The following ZNF254 variants were observed in gnomAD, a reference collection of about 807,000 sequenced individuals.
ZNF254 encodes the protein CTD-2017D11.1.
A neutral mutation model predicts 12.4 loss-of-function variants in ZNF254; 10 were observed. The ratio of observed to expected loss-of-function variants is 0.80; its 90% confidence interval spans 0.50 to 1.36. ZNF254 has a LOEUF of 1.36. Among genes scored for constraint, ZNF254 ranks in the 40% most tolerant of loss-of-function variants. The pLI is 0.00. For synonymous variants in ZNF254, 305 were observed against 253.4 expected (o/e 1.20, Z -1.93); for missense variants, 996 against 763.9 (o/e 1.30, Z -3.58).
chr19:24,069,604 C>CAAA (rs968664535), intron 2 of ZNF254, among the ~76,000 whole-genome samples: 5 of 36,690 alleles, frequency 1.4e-4, no homozygotes, highest in Non-Finnish European at 1.9e-4. Context: ...GACTCCATCT[C>CAAA]AAAAAAAAAA....
intron 3 of ZNF254, among the ~76,000 whole-genome samples, chr19:24,118,942 T>C (rs998567687): frequency 2.6e-5 from 4 of 151,902 alleles, no homozygotes; most frequent in African/African-American, 9.7e-5. Context: ...AAACCTCATT[T>C]CTACTAAAAA....
At chr19:24,096,065 T>A (rs1972652514) in intron 1 of ZNF254, among the ~76,000 whole-genome samples, 1 of 151,408 alleles carries the variant, frequency 6.6e-6, no homozygotes, top group Non-Finnish European at 1.5e-5. Context: ...AGTTCTTTTT[T>A]TTTTTTTTTT....
chr19:24,049,214 A>ATATATATATTTTTTT (rs1160333151), intron 2 of ZNF254, among the ~76,000 whole-genome samples: 4 of 40,866 alleles, frequency 9.8e-5, no homozygotes, highest in African/African-American at 1.4e-4. Flanking sequence ...ATATATATAT[A>ATATATATATTTTTTT]TTTTTTTTTT....
chr19:24,070,918 A>C (rs1295541714), intron 2 of ZNF254, among the ~76,000 whole-genome samples: 1 of 152,126 alleles, frequency 6.6e-6, no homozygotes, highest in South Asian at 2.1e-4. Flanking sequence ...ATTGTAACAT[A>C]TTGCTGGGTC....
At chr19:24,093,155 T>C (rs895550297) in intron 1 of ZNF254, among the ~76,000 whole-genome samples, 2 of 152,114 alleles carry the variant, frequency 1.3e-5, no homozygotes, top group African/African-American at 4.8e-5. Context: ...CTTTTTTTTC[T>C]TGTAAACTTA....
At chr19:24,067,311 C>A (rs1343842127) in intron 2 of ZNF254, among the ~76,000 whole-genome samples, 2 of 151,934 alleles carry the variant, frequency 1.3e-5, no homozygotes, top group Non-Finnish European at 2.9e-5. Context: ...TTGGGCCCAG[C>A]ACACAGGGGA....
intron 2 of ZNF254, among the ~76,000 whole-genome samples, chr19:24,056,188 C>T (rs1970846725): frequency 6.6e-6 from 1 of 152,186 alleles, no homozygotes; most frequent in Admixed American, 6.5e-5. Flanking sequence ...GGCGTTGGGA[C>T]ATGTCTCTGA....
intron 3 of ZNF254, among the ~76,000 whole-genome samples, chr19:24,121,549 T>C (rs774441810): frequency 3.3e-5 from 5 of 152,108 alleles, no homozygotes; most frequent in African/African-American, 1.2e-4. Context: ...CCTGTATAAA[T>C]GTTATCTTTT....
intron 2 of ZNF254, among the ~76,000 whole-genome samples, chr19:24,075,451 A>G (rs537765373): frequency 3.9e-5 from 6 of 152,226 alleles, no homozygotes; most frequent in African/African-American, 7.2e-5. Context: ...CCGGGGTGAC[A>G]TCACATGTCA....
chr19:24,087,737 A>G (rs1032216560), intron 1 of ZNF254, among the ~76,000 whole-genome samples: 1 of 152,160 alleles, frequency 6.6e-6, no homozygotes, highest in Non-Finnish European at 1.5e-5. Flanking sequence ...GCGTCACTGC[A>G]AAAATATTAA....
At chr19:24,035,381 C>T (rs1969927586) in intron 1 of ZNF254, among the ~76,000 whole-genome samples, 3 of 151,970 alleles carry the variant, frequency 2.0e-5, no homozygotes, top group Non-Finnish European at 4.4e-5. Context: ...CAGGCTGGTC[C>T]AAAACTCCTG....
At chr19:24,070,148 T>A (rs903835909) in intron 2 of ZNF254, among the ~76,000 whole-genome samples, 5 of 152,158 alleles carry the variant, frequency 3.3e-5, no homozygotes, top group African/African-American at 1.2e-4. Context: ...CCTATATTGA[T>A]CAGCCAATTG....
intron 2 of ZNF254, chr19:24,049,089 CCTA>C (rs1970522489): frequency 6.7e-6 from 1 of 148,974 alleles, no homozygotes; most frequent in South Asian, 2.2e-4. Context: ...TAACTACCTA[CCTA>C]CCTACCTACC....
chr19:24,054,557 G>T (rs1055790036), intron 2 of ZNF254, among the ~76,000 whole-genome samples: 5 of 152,180 alleles, frequency 3.3e-5, no homozygotes, highest in Admixed American at 3.3e-4. Context: ...GCACAAAGGT[G>T]AGATTGTTTC....
At chr19:24,064,195 C>T (rs750081170) in intron 2 of ZNF254, among the ~76,000 whole-genome samples, 14 of 152,100 alleles carry the variant, frequency 9.2e-5, no homozygotes, top group Non-Finnish European at 1.8e-4. Flanking sequence ...GTGACTCTTT[C>T]TCATTCTTGG....
intron 3 of ZNF254, among the ~76,000 whole-genome samples, chr19:24,115,134 AG>A (rs1762837893): frequency 6.6e-6 from 1 of 152,150 alleles, no homozygotes; most frequent in Admixed American, 6.5e-5. Context: ...TCAGGGATCT[AG>A]AACTAGAAAT....
At chr19:24,058,346 A>G (rs1158800648) in intron 2 of ZNF254, among the ~76,000 whole-genome samples, 1 of 151,660 alleles carries the variant, frequency 6.6e-6, no homozygotes, top group Non-Finnish European at 1.5e-5. Context: ...CACATTAGGC[A>G]TTGGGACATA....
chr19:24,046,137 T>G (rs932646048), intron 1 of ZNF254: 5 of 151,916 alleles, frequency 3.3e-5, no homozygotes, highest in Non-Finnish European at 1.5e-5. Flanking sequence ...GAGCTGGCAA[T>G]TACATATCCT....
intron 2 of ZNF254, among the ~76,000 whole-genome samples, chr19:24,071,421 A>G (rs1274904864): frequency 6.6e-6 from 1 of 152,212 alleles, no homozygotes; most frequent in African/African-American, 2.4e-5. Context: ...ATTGTGACAG[A>G]TCACTTGTCT....
Sources: gnomAD v4.1 joint callset for allele counts (sites outside exome capture counted in the v4.1 genomes callset) on GRCh38, gnomAD v4.1.1 for gene constraint, MANE v1.5 for transcripts, NCBI Gene and HGNC (gene_info 2026-07-23, HGNC 2026-07-21) for gene names.